DENND1B: variants seen among roughly 807,000 people sequenced by gnomAD.
DENND1B encodes DENN domain-containing protein 1B.
A neutral mutation model predicts 90.1 loss-of-function variants in DENND1B; 59 were observed. That is an observed-to-expected ratio of 0.65 (90% CI 0.53 to 0.81). The LOEUF (loss-of-function observed/expected upper bound fraction) is 0.81, where lower values mean the gene tolerates loss of function less well. Ranked by LOEUF, DENND1B falls within the 40% of genes least tolerant of loss-of-function variation. The pLI is 0.00. For synonymous variants in DENND1B, 337 were observed against 324.6 expected (o/e 1.04, Z -0.41); for missense variants, 862 against 912.6 (o/e 0.94, Z 0.71).
At chr1:197,545,445 A>G (rs1670738838) in intron 18 of DENND1B, 1 of 158,628 alleles carries the variant, frequency 6.3e-6, no homozygotes, top group Non-Finnish European at 1.4e-5. Context: ...ATTCAAAGCT[A>G]TCCTAGGTCA....
At chr1:197,656,868 G>A (rs920491913) in intron 6 of DENND1B, among the ~76,000 whole-genome samples, 2 of 151,766 alleles carry the variant, frequency 1.3e-5, no homozygotes, top group African/African-American at 4.8e-5. Flanking sequence ...TTATCCCATA[G>A]AATTTTGTTC....
chr1:197,645,815 C>A, intron 8 of DENND1B, 72 bp from the exon 9 acceptor site: 2 of 1,055,544 alleles, frequency 1.9e-6, no homozygotes, highest in Non-Finnish European at 2.7e-6. Context: ...TAATGAAAAT[C>A]AGAAAAAAAT....
intron 2 of DENND1B, among the ~76,000 whole-genome samples, chr1:197,732,535 GT>G (rs1389890050): frequency 2.6e-5 from 4 of 152,098 alleles, no homozygotes; most frequent in South Asian, 4.1e-4. Flanking sequence ...GAAACATTAA[GT>G]TAGTTAAAAG....
chr1:197,776,156 C>T (rs1305630765), upstream of DENND1B, among the ~76,000 whole-genome samples: 3 of 152,154 alleles, frequency 2.0e-5, no homozygotes, highest in Non-Finnish European at 4.4e-5. Flanking sequence ...GAGGGCACCA[C>T]TGAATAAGCG....
intron 15 of DENND1B, among the ~76,000 whole-genome samples, chr1:197,574,750 G>A (rs368275215): frequency 5.2e-4 from 79 of 152,074 alleles, no homozygotes; most frequent in African/African-American, 1.9e-3. Flanking sequence ...AGAGATATAG[G>A]CCAATGGAAC....
At chr1:197,728,682 T>G (rs376765928) in intron 2 of DENND1B, among the ~76,000 whole-genome samples, 2 of 152,222 alleles carry the variant, frequency 1.3e-5, no homozygotes, top group East Asian at 3.8e-4. Flanking sequence ...CTAATTAGTC[T>G]TCTTGCCACT....
intron 15 of DENND1B, among the ~76,000 whole-genome samples, chr1:197,557,592 A>G (rs992819335): frequency 5.3e-5 from 8 of 151,946 alleles, no homozygotes; most frequent in African/African-American, 1.9e-4. Flanking sequence ...GCAGACACCA[A>G]TGTACACAAT....
intron 20 of DENND1B, among the ~76,000 whole-genome samples, chr1:197,535,709 A>G (rs570405962): frequency 6.6e-6 from 1 of 152,232 alleles, no homozygotes; most frequent in Non-Finnish European, 1.5e-5. Context: ...TCCCCTGTTC[A>G]CCCCACTCAC....
At position 197,672,130 on chromosome 1, in the gene DENND1B, T is replaced by G; in HGVS notation, c.203A>C (p.His68Pro). The change falls in exon 5 of 23, where the codon CAC becomes CCC. Residue 68 changes from histidine to proline, a missense_variant. His to Pro is a moderately conservative substitution (Grantham distance 77). Coordinates refer to ENST00000620048, the MANE Select transcript of DENND1B (RefSeq NM_001195215.2). The stretch of plus-strand genomic sequence containing the variant: ...AATGTCTGTCAGTACAAAGGTAAAG[T>G]GCTGTCCAACTTGATTCTGAGACAC... ...ERVSQNQVGQ[H>P]FTFVLTDIES... 6.2e-7 allele frequency: 1 copy of G among 1,611,740 alleles called. No individual in the cohort carries two copies. Among genetic ancestry groups the G allele is most frequent in the Non-Finnish European group, 8.5e-7 (1 of 1,178,732 alleles).
At chr1:197,552,988 G>C in intron 16 of DENND1B, 34 bp downstream of exon 16, 2 of 1,560,296 alleles carry the variant, frequency 1.3e-6, no homozygotes, top group Non-Finnish European at 1.7e-6. Flanking sequence ...TTGTTATTGA[G>C]AAAATGGATA....
At chr1:197,772,826 A>T in intron 2 of DENND1B, 42 bp downstream of exon 2, 1 of 1,516,742 alleles carries the variant, frequency 6.6e-7, no homozygotes, top group South Asian at 1.2e-5. Flanking sequence ...TGTCCCAAAA[A>T]AAAGAGACCT....
In DENND1B at chr1:197,674,730, C is replaced by A. The variant is rs115365899; in HGVS notation, c.127-561G>T. ...AAAGAAACATTTACATGATTCAATT[C>A]TTGGTATTAAGTTTTATCTTAACAC... On this transcript the variant is annotated intron_variant, in intron 3 of 22. Coordinates refer to ENST00000620048, the MANE Select transcript of DENND1B (RefSeq NM_001195215.2). 6.8e-3 allele frequency among the ~76,000 whole-genome samples: 1,022 copies of A among 150,670 alleles called. 13 individuals carry two copies. Among genetic ancestry groups the A allele is most frequent in the African/African-American group, 0.024 (980 of 41,140 alleles).
chr1:197,760,431 C>T (rs1654894448), intron 2 of DENND1B, among the ~76,000 whole-genome samples: 1 of 152,104 alleles, frequency 6.6e-6, no homozygotes, highest in Non-Finnish European at 1.5e-5. Context: ...AGGCAGGTCG[C>T]TTGAGCTCAG....
intron 2 of DENND1B, among the ~76,000 whole-genome samples, chr1:197,724,748 A>AAGG (rs1185932917): frequency 6.6e-6 from 1 of 152,168 alleles, no homozygotes; most frequent in Non-Finnish European, 1.5e-5. Context: ...ATGTTATACA[A>AAGG]TAACATAACT....
chr1:197,691,009 T>C (rs1183062469), intron 3 of DENND1B, among the ~76,000 whole-genome samples: 1 of 151,908 alleles, frequency 6.6e-6, no homozygotes, highest in African/African-American at 2.4e-5. Context: ...ATGACATTGG[T>C]CTTCGCAATA....
chr1:197,636,447 T>A (rs1679802794), intron 10 of DENND1B, among the ~76,000 whole-genome samples: 1 of 152,160 alleles, frequency 6.6e-6, no homozygotes, highest in South Asian at 2.1e-4. Context: ...CAAAATTGCA[T>A]AAAGGTTGTA....
At chr1:197,629,062 C>A (rs1158576819) in intron 10 of DENND1B, among the ~76,000 whole-genome samples, 5 of 152,264 alleles carry the variant, frequency 3.3e-5, no homozygotes, top group South Asian at 2.1e-4. Context: ...AATAGGTACA[C>A]TTTTACACTG....
chr1:197,640,678 G>T (rs1680194173), intron 10 of DENND1B, among the ~76,000 whole-genome samples: 1 of 152,058 alleles, frequency 6.6e-6, no homozygotes, highest in Admixed American at 6.5e-5. Context: ...TCATTAAGAG[G>T]TGGATATAAA....
intron 6 of DENND1B, among the ~76,000 whole-genome samples, chr1:197,657,562 C>CA (rs1387958328): frequency 6.6e-6 from 1 of 151,492 alleles, no homozygotes; most frequent in Non-Finnish European, 1.5e-5. Flanking sequence ...AACTATTAAC[C>CA]AAAAAAGAAA....
Sources: gnomAD v4.1 joint callset for allele counts (sites outside exome capture counted in the v4.1 genomes callset) on GRCh38, gnomAD v4.1.1 for gene constraint, MANE v1.5 for transcripts, NCBI Gene and HGNC (gene_info 2026-07-23, HGNC 2026-07-21) for gene names.